BRME1: variants seen among roughly 807,000 people sequenced by gnomAD.
BRME1 encodes the protein break repair meiotic recombinase recruitment factor 1.
Under a neutral mutation model 52.6 loss-of-function variants are expected in BRME1, and 31 were observed. That is an observed-to-expected ratio of 0.59 (90% CI 0.44 to 0.80). The LOEUF is 0.80. Ranked by LOEUF, BRME1 falls within the 30% of genes least tolerant of loss-of-function variation. The pLI, the probability that BRME1 is intolerant of heterozygous loss-of-function variation, is 0.00. For missense variants in BRME1, 804 were observed against 860.3 expected, an observed-to-expected ratio of 0.93 and a Z score of 0.82; for synonymous variants, 359 against 353.6, an observed-to-expected ratio of 1.02 and a Z score of -0.17.
chr19:13,883,256 C>A lies in BRME1; in HGVS notation c.1856+52G>T. ...TCAGTCCCTCCCTGCTCCTCTGAGT[C>A]CCCACTGGCCTCCCGCAGACCCTGT... On this transcript the variant is annotated intron_variant, in intron 8 of 8. Coordinates refer to ENST00000586783, the MANE Select transcript of BRME1 (RefSeq NM_001345843.2). This position sits in a 1 kb window ranked among gnomAD's most constrained non-coding sequence, Gnocchi z 4.2. 1 of 1,457,830 alleles carries A rather than the reference C, an allele frequency of 6.9e-7. No individual in the cohort carries two copies. The highest frequency in any genetic ancestry group is 9.3e-7 in the Non-Finnish European group (1 of 1,078,628). 90.3% of individuals were successfully genotyped at this position (1,457,830 alleles called of 1,614,324 possible).
Position 13,883,368 on chromosome 19 carries a change from G to A in BRME1, c.1796C>T (p.Ser599Phe), listed in dbSNP as rs1282578572. Residue 599 changes from serine (S) to phenylalanine (F), a missense_variant, in exon 8 of 9, where the codon TCC (serine) becomes TTC (phenylalanine). Around this residue, in one of 3 missense-constraint regions of BRME1, gnomAD observed 552 missense variants for 561.1 expected, o/e 0.98. Transcript: ENST00000586783. This position sits in a 1 kb window ranked among gnomAD's most constrained non-coding sequence, Gnocchi z 4.2. ...TFVGIQASEASRMEDATNVVR... is the reference protein window; with the variant it reads ...TFVGIQASEAFRMEDATNVVR... The stretch of plus-strand genomic sequence containing the variant: ...GACGTTGGTGGCATCCTCCATCCTG[G>A]AGGCCTCAGAGGCCTGGATCCCCAC... The A allele has an allele frequency of 6.5e-7, 1 of 1,535,008 alleles. No homozygotes were observed.
At chr19:13,896,700 T>C (rs1230194480) in intron 2 of BRME1, among the ~76,000 whole-genome samples, 2 of 150,368 alleles carry the variant, frequency 1.3e-5, no homozygotes, top group African/African-American at 2.4e-5. Context: ...ATATATTTTT[T>C]CTTTTTTTAA....
At chr19:13,904,633 G>C (rs1404529891) in intron 2 of BRME1, among the ~76,000 whole-genome samples, 1 of 150,582 alleles carries the variant, frequency 6.6e-6, no homozygotes, top group Non-Finnish European at 1.5e-5. Context: ...GTAGAGACGG[G>C]GTTTCACCAT....
intron 2 of BRME1, among the ~76,000 whole-genome samples, chr19:13,901,728 T>C (rs557907963): frequency 6.7e-6 from 1 of 148,490 alleles, no homozygotes; most frequent in East Asian, 2.0e-4. Context: ...AGCTCAACAC[T>C]GTATCTGTAT....
In BRME1 at chr19:13,889,396, T is replaced by A. The variant is rs138545136; in HGVS notation, c.1460A>T (p.Glu487Val). Reference protein sequence around the residue: ...PQASVVLEHREIADDPLQEPG... With the variant: ...PQASVVLEHRVIADDPLQEPG... ...CTCCTGGAGAGGGTCGTCTGCTATT[T>A]CTCTGTGTTCCAGCACAACAGAGGC... Residue 487 changes from glutamate to valine, a missense_variant, in exon 6 of 9, where the codon GAA becomes GTA. Around this residue, in one of 3 missense-constraint regions of BRME1, gnomAD observed 552 missense variants for 561.1 expected, o/e 0.98. Transcript: ENST00000586783. 7 of 1,613,920 alleles carry A rather than the reference T, an allele frequency of 4.3e-6. No individual in the cohort carries two copies. In the African/African-American group the frequency reaches 8.0e-5, roughly 18 times the overall value.
chr19:13,902,170 C>A (rs1386161339), intron 2 of BRME1, among the ~76,000 whole-genome samples: 3 of 151,840 alleles, frequency 2.0e-5, no homozygotes, highest in Non-Finnish European at 4.4e-5. Flanking sequence ...GAAACCCCAT[C>A]TCTACTACAA....
intron 6 of BRME1, among the ~76,000 whole-genome samples, chr19:13,887,656 G>A (rs971435835): frequency 6.6e-6 from 1 of 152,134 alleles, no homozygotes; most frequent in Non-Finnish European, 1.5e-5. Context: ...CGAGGGATTT[G>A]CATTTTGCAA....
At chr19:13,899,807 C>T (rs1426108587) in intron 2 of BRME1, among the ~76,000 whole-genome samples, 1 of 152,144 alleles carries the variant, frequency 6.6e-6, no homozygotes, top group Non-Finnish European at 1.5e-5. Context: ...TCAAGACCAG[C>T]CTGGCCAACA....
intron 8 of BRME1, 23 bp from the exon 9 acceptor site, chr19:13,882,975 C>T (rs566278647): frequency 1.1e-5 from 17 of 1,606,530 alleles, no homozygotes; most frequent in African/African-American, 4.0e-5. Flanking sequence ...CACAGGCATG[C>T]GTGTGGGGCT....
Position 13,883,327 on chromosome 19 carries a change from C to G in BRME1, c.1837G>C (p.Val613Leu). 1 of 1,534,442 alleles carries G rather than the reference C, an allele frequency of 6.5e-7. No individual in the cohort carries two copies. The highest frequency in any genetic ancestry group is 8.7e-7 in the Non-Finnish European group (1 of 1,145,610). The change falls in exon 8 of 9, where the codon GTT becomes CTT. Residue 613 changes from valine to leucine, a missense_variant. Physicochemically the swap from Val to Leu is conservative, Grantham distance 32. This residue lies in a region of BRME1 where 552 missense variants were observed against 561.1 expected (regional missense o/e 0.98). Transcript: ENST00000586783. This position sits in a 1 kb window ranked among gnomAD's most constrained non-coding sequence, Gnocchi z 4.2. ...CCGTACTTCAGGTTGGAGAGCTCAA[C>G]GATGAGGCCACGCACGACGTTGGTG... is the stretch of plus-strand genomic sequence containing the variant. ...DATNVVRGLI[V>L]ELSNLNRLIM... is the part of the protein sequence containing the mutation.
At position 13,888,770 on chromosome 19, in the gene BRME1, TC is replaced by T. The variant is rs1219760590; in HGVS notation, c.1668+417del. ...TTTGCAGCTTGGGAGTGAAGCCCCC[TC>T]CCCAGGCCCAGGTATAAAGCCATCC... is the stretch of plus-strand genomic sequence containing the variant. On this transcript the variant is annotated intron_variant, in intron 6 of 8. Transcript: ENST00000586783. This position sits in a 1 kb window ranked among gnomAD's most constrained non-coding sequence, Gnocchi z 4.1. Among the ~76,000 whole-genome samples the T allele has an allele frequency of 6.6e-6, 1 of 151,972 alleles. No homozygotes were observed. The highest frequency in any genetic ancestry group is 1.5e-5 in the Non-Finnish European group (1 of 67,964).
At chr19:13,896,845 C>T (rs571377605) in intron 2 of BRME1, among the ~76,000 whole-genome samples, 1 of 151,880 alleles carries the variant, frequency 6.6e-6, no homozygotes, top group Admixed American at 6.6e-5. Flanking sequence ...GTGTGTGCCA[C>T]CATGCCTGGC....
Position 13,882,552 on chromosome 19 carries a change from G to C in BRME1, c.*250C>G, listed in dbSNP as rs933686125. 1.8e-6 allele frequency: 1 copy of C among 556,242 alleles called. No individual in the cohort carries two copies. Among genetic ancestry groups the C allele is most frequent in the Non-Finnish European group, 3.1e-6 (1 of 319,794 alleles). 34.5% of individuals were successfully genotyped at this position (556,242 alleles called of 1,614,324 possible). A position where few individuals can be genotyped will look rare whatever the true frequency, so the allele number is the denominator to read the frequency against. ...GAGGTGGCCAGCTTCCTGGAGCCCA[G>C]GCCCGCTTGAAGTCACTGGGGCTGT... is the stretch of plus-strand genomic sequence containing the variant. On this transcript the variant is annotated 3_prime_UTR_variant, in exon 9 of 9. Coordinates refer to ENST00000586783, the MANE Select transcript of BRME1 (RefSeq NM_001345843.2).
intron 2 of BRME1, among the ~76,000 whole-genome samples, chr19:13,901,988 C>G (rs1400393970): frequency 2.0e-5 from 3 of 151,494 alleles, no homozygotes; most frequent in Non-Finnish European, 2.9e-5. Flanking sequence ...CTGCAGCGAG[C>G]TATGATTGTG....
chr19:13,892,882 GAATGAGTTCTGTA>G lies in BRME1; in HGVS notation c.289-5_296del, dbSNP rs1568382883. 15 of 1,612,800 alleles carry G rather than the reference GAATGAGTTCTGTA, an allele frequency of 9.3e-6. No homozygotes were observed. On this transcript the variant is annotated splice_acceptor_variant and splice_polypyrimidine_tract_variant and coding_sequence_variant and intron_variant, in exon 5 of 9. Transcript: ENST00000586783. LOFTEE classifies it high-confidence loss of function. ...TTGCAAACTGGGGAACAAACCTCCC[GAATGAGTTCTGTA>G]AACCGGATACAAGAACAAAGCAGCA...
chr19:13,895,280 G>A, intron 3 of BRME1, 92 bp downstream of exon 3: 1 of 1,367,136 alleles, frequency 7.3e-7, no homozygotes, highest in Non-Finnish European at 1.0e-6. Context: ...ATAGGTTGTG[G>A]GTCTCTTTCC....
At chr19:13,896,473 A>G (rs1159755307) in intron 2 of BRME1, among the ~76,000 whole-genome samples, 1 of 146,600 alleles carries the variant, frequency 6.8e-6, no homozygotes, top group East Asian at 1.9e-4. Flanking sequence ...ATATATTTAT[A>G]TATGATATAT....
At position 13,889,302 on chromosome 19, in the gene BRME1, A is replaced by G. The variant is rs1969272747; in HGVS notation, c.1554T>C (p.His518=). The part of the protein sequence containing the change: ...ELAGQRDHLP[H]SADQGTWADS... The stretch of plus-strand genomic sequence containing the variant: ...CTGCCCAGGTGCCCTGGTCTGCAGA[A>G]TGAGGCAGGTGGTCTCGCTGCCCTG... Residue 518 remains histidine, a synonymous_variant, in exon 6 of 9, where the codon CAT becomes CAC. Coordinates refer to ENST00000586783, the MANE Select transcript of BRME1 (RefSeq NM_001345843.2). 6.2e-7 allele frequency: 1 copy of G among 1,614,040 alleles called. No homozygotes were observed. Among genetic ancestry groups the G allele is most frequent in the Admixed American group, 1.7e-5 (1 of 60,004 alleles).
rs1275799151 is a variant in BRME1 at position 13,906,052 on chromosome 19, C to T, written c.-359G>A. On this transcript the variant is annotated 5_prime_UTR_variant, in exon 1 of 9. Transcript: ENST00000586783. This position sits in a 1 kb window ranked among gnomAD's most constrained non-coding sequence, Gnocchi z 4.1. ...CTGAACCCCACAGATGTCGCCGCCC[C>T]TCACACCTGCGCGCGCTCTGCCTCT... is the stretch of plus-strand genomic sequence containing the variant. The T allele has an allele frequency of 1.1e-5, 2 of 176,504 alleles. No homozygotes were observed. Among genetic ancestry groups the T allele is most frequent in the Non-Finnish European group, 2.4e-5 (2 of 83,762 alleles). 10.9% of individuals were successfully genotyped at this position (176,504 alleles called of 1,614,324 possible). A position where few individuals can be genotyped will look rare whatever the true frequency, so the allele number is the denominator to read the frequency against.
Sources: gnomAD v4.1 joint callset for allele counts (sites outside exome capture counted in the v4.1 genomes callset) on GRCh38, gnomAD v4.1.1 for gene constraint, gnomAD v4.1.1 regional missense constraint, Gnocchi (gnomAD v3.1) non-coding constraint, MANE v1.5 for transcripts, NCBI Gene and HGNC (gene_info 2026-07-23, HGNC 2026-07-21) for gene names.